Variants in L3MBTL4 observed in about 807,000 individuals in gnomAD.
L3MBTL4 encodes the protein L3MBTL histone methyl-lysine binding protein 4, also known as lethal(3)malignant brain tumor-like protein 4.
A neutral mutation model predicts 84.5 loss-of-function variants in L3MBTL4; 70 were observed. The ratio of observed to expected loss-of-function variants is 0.83; its 90% confidence interval spans 0.68 to 1.01. L3MBTL4 has a LOEUF of 1.01. L3MBTL4 is among the 50% of genes least tolerant of loss of function. L3MBTL4 has a pLI of 0.00. For missense variants in L3MBTL4, 715 were observed against 754.8 expected, an observed-to-expected ratio of 0.95 and a Z score of 0.62; for synonymous variants, 274 against 259.8, an observed-to-expected ratio of 1.05 and a Z score of -0.52.
intron 4 of L3MBTL4, among the ~76,000 whole-genome samples, chr18:6,278,837 T>G (rs2049199659): frequency 1.3e-5 from 2 of 151,920 alleles, no homozygotes; most frequent in African/African-American, 4.8e-5. Flanking sequence ...TATAGGGATA[T>G]ATGTATTATT....
chr18:6,403,403 C>T (rs2055592522), intron 1 of L3MBTL4, among the ~76,000 whole-genome samples: 1 of 152,140 alleles, frequency 6.6e-6, no homozygotes, highest in South Asian at 2.1e-4. Context: ...ATGTAGTCCA[C>T]CAATAAAGCA....
chr18:6,138,864 T>A (rs2060112015), intron 13 of L3MBTL4, among the ~76,000 whole-genome samples: 1 of 152,160 alleles, frequency 6.6e-6, no homozygotes, highest in Non-Finnish European at 1.5e-5. Flanking sequence ...TATGAGAACA[T>A]TCACTTATTT....
intron 16 of L3MBTL4, among the ~76,000 whole-genome samples, chr18:6,021,564 G>A (rs2055262994): frequency 6.6e-6 from 1 of 152,148 alleles, no homozygotes; most frequent in African/African-American, 2.4e-5. Flanking sequence ...CTCCCCAGTG[G>A]GGCAACTGCC....
chr18:6,351,701 G>T (rs993661193), intron 1 of L3MBTL4, among the ~76,000 whole-genome samples: 1 of 151,958 alleles, frequency 6.6e-6, no homozygotes, highest in African/African-American at 2.4e-5. Flanking sequence ...ACAGGCGCCT[G>T]CCACCACCCC....
At chr18:6,345,089 G>C (rs1455329913) in intron 1 of L3MBTL4, among the ~76,000 whole-genome samples, 1 of 151,772 alleles carries the variant, frequency 6.6e-6, no homozygotes, top group Non-Finnish European at 1.5e-5. Flanking sequence ...AAAACCATAG[G>C]CCAGGCACGG....
At chr18:6,260,555 G>A (rs1010985899) in intron 5 of L3MBTL4, 1 of 152,030 alleles carries the variant, frequency 6.6e-6, no homozygotes, top group South Asian at 2.1e-4. Flanking sequence ...TATTGTAATT[G>A]GGATTGTGTT....
At chr18:6,337,939 A>G (rs2052422449) in intron 1 of L3MBTL4, among the ~76,000 whole-genome samples, 1 of 152,068 alleles carries the variant, frequency 6.6e-6, no homozygotes, top group Non-Finnish European at 1.5e-5. Context: ...ATGAATAACA[A>G]TAAGACATAG....
intron 16 of L3MBTL4, among the ~76,000 whole-genome samples, chr18:6,027,738 GT>G (rs2055578199): frequency 6.6e-6 from 1 of 152,138 alleles, no homozygotes; most frequent in African/African-American, 2.4e-5. Flanking sequence ...TCTAACTGGC[GT>G]GAGATGGTAT....
chr18:6,284,283 A>G (rs549436251), intron 4 of L3MBTL4, among the ~76,000 whole-genome samples: 82 of 152,340 alleles, frequency 5.4e-4, no homozygotes, highest in African/African-American at 1.7e-3. Flanking sequence ...CAATTTAGCA[A>G]AACAGCAAAG....
intron 1 of L3MBTL4, among the ~76,000 whole-genome samples, chr18:6,392,171 A>AT: frequency 6.6e-6 from 1 of 152,228 alleles, no homozygotes. Flanking sequence ...CCAATGGAAC[A>AT]TAATAGAGAG....
At chr18:6,000,360 G>A (rs1465940066) in intron 16 of L3MBTL4, among the ~76,000 whole-genome samples, 5 of 151,984 alleles carry the variant, frequency 3.3e-5, no homozygotes, top group African/African-American at 1.2e-4. Context: ...TCAATAAAAG[G>A]CAATGCAGAA....
intron 16 of L3MBTL4, among the ~76,000 whole-genome samples, chr18:5,986,137 G>T (rs1209214862): frequency 6.6e-6 from 1 of 152,214 alleles, no homozygotes; most frequent in Non-Finnish European, 1.5e-5. Context: ...GAGGCCGAAA[G>T]AGATGCCTGC....
intron 14 of L3MBTL4, among the ~76,000 whole-genome samples, chr18:6,123,572 T>TC (rs1341460691): frequency 1.3e-5 from 2 of 152,190 alleles, no homozygotes; most frequent in Non-Finnish European, 2.9e-5. Context: ...TTGTGAGGCC[T>TC]CCCCAGCCAT....
At chr18:6,356,134 C>T (rs1455649130) in intron 1 of L3MBTL4, among the ~76,000 whole-genome samples, 1 of 152,210 alleles carries the variant, frequency 6.6e-6, no homozygotes, top group African/African-American at 2.4e-5. Flanking sequence ...TGTGTCTGTA[C>T]CTTTTAAAAT....
At chr18:5,977,467 A>G (rs1197777790) in intron 16 of L3MBTL4, among the ~76,000 whole-genome samples, 1 of 152,100 alleles carries the variant, frequency 6.6e-6, no homozygotes, top group Non-Finnish European at 1.5e-5. Context: ...GGCCTGGAGC[A>G]TCAGGCTCCC....
At chr18:6,228,927 G>A (rs752276358) in intron 10 of L3MBTL4, among the ~76,000 whole-genome samples, 1 of 152,104 alleles carries the variant, frequency 6.6e-6, no homozygotes, top group African/African-American at 2.4e-5. Flanking sequence ...TTCTTCTGAT[G>A]GAGAATGTGA....
At chr18:6,189,385 A>G (rs1477674214) in intron 12 of L3MBTL4, among the ~76,000 whole-genome samples, 1 of 152,222 alleles carries the variant, frequency 6.6e-6, no homozygotes. Context: ...GTGGACCACC[A>G]TGCAACCCAC....
intron 16 of L3MBTL4, among the ~76,000 whole-genome samples, chr18:6,026,576 T>G (rs1402650660): frequency 6.6e-6 from 1 of 152,182 alleles, no homozygotes; most frequent in Admixed American, 6.5e-5. Context: ...TCCCTCAATC[T>G]GCTGAAGAGC....
At chr18:6,203,699 T>C (rs1415811520) in intron 12 of L3MBTL4, among the ~76,000 whole-genome samples, 8 of 152,128 alleles carry the variant, frequency 5.3e-5, no homozygotes, top group Admixed American at 2.0e-4. Flanking sequence ...AGAACAGGCA[T>C]TGCAAACTTC....
Sources: allele counts gnomAD v4.1 joint callset (sites outside exome capture counted in the v4.1 genomes callset), GRCh38; gene constraint gnomAD v4.1.1; transcripts MANE v1.5; gene names NCBI Gene and HGNC (gene_info 2026-07-23, HGNC 2026-07-21).